GRID2: variants seen among roughly 807,000 people sequenced by gnomAD.
The protein encoded by GRID2 is glutamate receptor ionotropic, delta-2.
A neutral mutation model predicts 114.8 loss-of-function variants in GRID2; 33 were observed. The observed-to-expected ratio is 0.29, with a 90% confidence interval of 0.22 to 0.38. GRID2 has a LOEUF of 0.38. Ranked by LOEUF, GRID2 falls within the 10% of genes least tolerant of loss-of-function variation. GRID2 has a pLI of 1.00. For synonymous variants in GRID2, 505 were observed against 449.9 expected, an observed-to-expected ratio of 1.12 and a Z score of -1.55; for missense variants, 1,184 against 1,257.7, an observed-to-expected ratio of 0.94 and a Z score of 0.89.
intron 11 of GRID2, among the ~76,000 whole-genome samples, chr4:93,462,814 G>A (rs1010405052): frequency 6.6e-6 from 1 of 152,116 alleles, no homozygotes; most frequent in Non-Finnish European, 1.5e-5. Flanking sequence ...AGTAGCTAAA[G>A]CCATTTCTTT....
At chr4:92,790,984 A>G (rs574051347) in intron 2 of GRID2, among the ~76,000 whole-genome samples, 46 of 151,776 alleles carry the variant, frequency 3.0e-4, no homozygotes, top group African/African-American at 1.0e-3. Flanking sequence ...GCTTTTGTTT[A>G]TTTGTACAAC....
At chr4:93,337,370 C>T (rs553210228) in intron 8 of GRID2, among the ~76,000 whole-genome samples, 1 of 152,268 alleles carries the variant, frequency 6.6e-6, no homozygotes, top group African/African-American at 2.4e-5. Context: ...TCCCCTGCCC[C>T]ACTCCCATCA....
In GRID2 at chr4:93,316,279, AGAAC is replaced by A. The variant is rs1560490276; in HGVS notation, c.1245+77793_1245+77796del. Among the ~76,000 whole-genome samples the A allele has an allele frequency of 1.3e-3, 54 of 40,472 alleles. 1 individual carries two copies. Among genetic ancestry groups the A allele is most frequent in the African/African-American group, 1.8e-3 (15 of 8,302 alleles). 26.6% of individuals were successfully genotyped at this position (40,472 alleles called of 152,430 possible). ...AAAGAAAGAAAGAGAAAGAAAGAAAAGAACGAAAGAACGAAAGAAAGAAAGAAAG... is the reference window on the plus strand; with the variant it reads ...AAAGAAAGAAAGAGAAAGAAAGAAAAGAAAGAACGAAAGAAAGAAAGAAAG... On this transcript the variant is annotated intron_variant, in intron 8 of 15. Coordinates refer to ENST00000282020, the MANE Select transcript of GRID2 (RefSeq NM_001510.4).
chr4:92,906,630 T>G (rs1009510629), intron 2 of GRID2, among the ~76,000 whole-genome samples: 1 of 152,084 alleles, frequency 6.6e-6, no homozygotes, highest in African/African-American at 2.4e-5. Context: ...ATTTATTTAT[T>G]TTTTTAGAGG....
chr4:92,443,316 A>C (rs141934557), intron 1 of GRID2, among the ~76,000 whole-genome samples: 2,707 of 152,240 alleles, frequency 0.018, 98 homozygotes, highest in African/African-American at 0.063. Flanking sequence ...ATTGGGGTCA[A>C]GTGGCATTGC....
chr4:92,355,711 A>C (rs895198415), intron 1 of GRID2, among the ~76,000 whole-genome samples: 4 of 151,826 alleles, frequency 2.6e-5, no homozygotes, highest in African/African-American at 9.7e-5. Flanking sequence ...TTATTCCCCA[A>C]ATATAGAGAA....
chr4:92,685,561 T>C (rs1377810707), intron 2 of GRID2, among the ~76,000 whole-genome samples: 1 of 152,102 alleles, frequency 6.6e-6, no homozygotes, highest in African/African-American at 2.4e-5. Context: ...GAAATTTAAA[T>C]GGATATAATA....
rs148320290 is a variant in GRID2, at chr4:92,349,383, T to C, written c.88+44639T>C. The stretch of plus-strand genomic sequence containing the variant: ...ATTGTCAAGTTAATAATGCCAATTA[T>C]TATCTCAGAGATGTCAGTCTATTAT... On this transcript the variant is annotated intron_variant, in intron 1 of 15. Transcript: ENST00000282020. Among the ~76,000 whole-genome samples the C allele has an allele frequency of 8.8e-4, 134 of 152,012 alleles. 1 individual carries two copies. In the East Asian group the frequency reaches 0.024, roughly 27 times the overall value.
At chr4:93,096,079 G>A (rs1731204149) in intron 3 of GRID2, among the ~76,000 whole-genome samples, 1 of 151,870 alleles carries the variant, frequency 6.6e-6, no homozygotes. Context: ...GCATAGAGTG[G>A]GGTTGATTGT....
chr4:93,792,988 TG>T (rs1734725489), intron 1 of GRID2, among the ~76,000 whole-genome samples: 1 of 152,244 alleles, frequency 6.6e-6, no homozygotes, highest in Admixed American at 6.5e-5. Context: ...ACAATGTACA[TG>T]CAGTTTAGCC....
intron 2 of GRID2, among the ~76,000 whole-genome samples, chr4:92,658,007 G>C (rs2149266879): frequency 6.6e-6 from 1 of 151,808 alleles, no homozygotes; most frequent in Non-Finnish European, 1.5e-5. Context: ...CTAATATATT[G>C]TGATTGTTTA....
At chr4:93,026,165 C>A (rs986057568) in intron 2 of GRID2, among the ~76,000 whole-genome samples, 35 of 151,774 alleles carry the variant, frequency 2.3e-4, no homozygotes, top group Non-Finnish European at 3.7e-4. Context: ...ACTATCTTCC[C>A]TTTCAGCAGT....
chr4:92,941,061 A>G (rs921547995), intron 2 of GRID2, among the ~76,000 whole-genome samples: 1 of 152,182 alleles, frequency 6.6e-6, no homozygotes, highest in Non-Finnish European at 1.5e-5. Flanking sequence ...AGACTTTGGT[A>G]TCAGGATGAT....
chr4:92,629,183 A>G (rs1053950216), intron 2 of GRID2, among the ~76,000 whole-genome samples: 13 of 152,034 alleles, frequency 8.6e-5, no homozygotes, highest in African/African-American at 3.1e-4. Context: ...TTTAAAGTGT[A>G]CTTTATCAAC....
intron 2 of GRID2, among the ~76,000 whole-genome samples, chr4:92,666,300 A>G (rs1368486229): frequency 6.6e-6 from 1 of 151,308 alleles, no homozygotes; most frequent in African/African-American, 2.4e-5. Context: ...TTGTTCATAC[A>G]TATATATTTC....
intron 1 of GRID2, among the ~76,000 whole-genome samples, chr4:92,458,007 G>C (rs1721300423): frequency 6.6e-6 from 1 of 152,138 alleles, no homozygotes; most frequent in African/African-American, 2.4e-5. Context: ...GACATAAAGG[G>C]AAGTGATTAA....
rs563144575 is a variant in GRID2 at position 92,761,424 on chromosome 4, A to G, written c.244+171138A>G. Among the ~76,000 whole-genome samples the G allele has an allele frequency of 2.6e-5, 4 of 152,296 alleles. No homozygotes were observed. In the East Asian group the frequency reaches 5.8e-4, roughly 22 times the overall value. On this transcript the variant is annotated intron_variant, in intron 2 of 15. Coordinates refer to ENST00000282020, the MANE Select transcript of GRID2 (RefSeq NM_001510.4). Reference sequence around the variant, plus strand: ...TCTTTACAGCTCTATTTAGTCAGATATAAGAAATAGTAATTGAGATTTTCA... The same window carrying G: ...TCTTTACAGCTCTATTTAGTCAGATGTAAGAAATAGTAATTGAGATTTTCA...
intron 2 of GRID2, among the ~76,000 whole-genome samples, chr4:93,039,026 T>C (rs1469460975): frequency 6.6e-6 from 1 of 152,174 alleles, no homozygotes; most frequent in East Asian, 1.9e-4. Flanking sequence ...CACATATGTT[T>C]ATTGGGTTAC....
chr4:92,941,644 C>A (rs990902534), intron 2 of GRID2, among the ~76,000 whole-genome samples: 29 of 152,246 alleles, frequency 1.9e-4, no homozygotes, highest in Non-Finnish European at 3.8e-4. Flanking sequence ...TTCTCCAGTT[C>A]TTTTAATTGT....
Sources: gnomAD v4.1 joint callset for allele counts (sites outside exome capture counted in the v4.1 genomes callset) on GRCh38, gnomAD v4.1.1 for gene constraint, MANE v1.5 for transcripts, NCBI Gene and HGNC (gene_info 2026-07-23, HGNC 2026-07-21) for gene names.